FAF1: variants seen among roughly 807,000 people sequenced by gnomAD.
FAF1 encodes Fas associated factor 1.
Under a neutral mutation model 92.5 loss-of-function variants are expected in FAF1, and 25 were observed. That is an observed-to-expected ratio of 0.27 (90% CI 0.20 to 0.38). The LOEUF is 0.38. Among genes scored for constraint, FAF1 ranks in the 10% least tolerant of loss-of-function variants. The probability of loss-of-function intolerance (pLI) is 1.00; values close to 1 mark genes in which losing one functional copy is unlikely to be tolerated. For synonymous variants in FAF1, 234 were observed against 273.2 expected, an observed-to-expected ratio of 0.86 and a Z score of 1.42; for missense variants, 636 against 793.3, an observed-to-expected ratio of 0.80 and a Z score of 2.38.
chr1:50,864,115 T>C lies in FAF1; in HGVS notation c.46-6118A>G, dbSNP rs1247253835. ...CTCTTTTCTTCTTTATTAGTCTTGC[T>C]AGCGGTCTATCAATTTTGTTGATCC... On this transcript the variant is annotated intron_variant, in intron 1 of 18. Coordinates refer to ENST00000396153, the MANE Select transcript of FAF1 (RefSeq NM_007051.3). Among the ~76,000 whole-genome samples the C allele has an allele frequency of 2.8e-3, 423 of 151,710 alleles. 4 individuals are homozygous for C. The highest frequency in any genetic ancestry group is 9.7e-3 in the African/African-American group (401 of 41,370).
rs780627088 is a variant in FAF1, at chr1:50,498,247, T to TA, written c.1495-6447dup. 3.2e-4 allele frequency among the ~76,000 whole-genome samples: 48 copies of TA among 150,338 alleles called. No individual in the cohort carries two copies. The South Asian group carries it at 6.1e-3, about 19-fold the overall frequency. On this transcript the variant is annotated intron_variant, in intron 15 of 18. Coordinates refer to ENST00000396153, the MANE Select transcript of FAF1 (RefSeq NM_007051.3). Reference sequence around the variant, plus strand: ...GCTGGACCCTCATCATACCTCATATTAAAAAAAAAGCTTAAAATGAATCAA... The same window carrying TA: ...GCTGGACCCTCATCATACCTCATATTAAAAAAAAAAGCTTAAAATGAATCAA...
intron 12 of FAF1, among the ~76,000 whole-genome samples, chr1:50,571,975 A>G (rs1473454296): frequency 6.6e-6 from 1 of 151,684 alleles, no homozygotes; most frequent in Non-Finnish European, 1.5e-5. Flanking sequence ...GGAATGGTAC[A>G]ATGTAGTTCA....
chr1:50,946,609 T>C (rs1438606920), intron 1 of FAF1, among the ~76,000 whole-genome samples: 6 of 152,230 alleles, frequency 3.9e-5, no homozygotes, highest in Non-Finnish European at 8.8e-5. Flanking sequence ...ATCTGAGTTT[T>C]ATCCTGCTAG....
chr1:50,777,468 A>T (rs1253326593), intron 4 of FAF1, among the ~76,000 whole-genome samples: 4 of 152,198 alleles, frequency 2.6e-5, no homozygotes, highest in Non-Finnish European at 4.4e-5. Context: ...CAAAAATGCC[A>T]TAGTGAATTT....
intron 9 of FAF1, among the ~76,000 whole-genome samples, chr1:50,585,369 CAT>C (rs201103657): frequency 0.014 from 2,103 of 152,204 alleles, 24 homozygotes; most frequent in Non-Finnish European, 0.021. Flanking sequence ...TAATGTTTTA[CAT>C]ATGAGTTGTA....
At chr1:50,640,829 A>ATTTTTTTTTTTTTTTTTTTTTTT in intron 8 of FAF1, among the ~76,000 whole-genome samples, 1 of 88,504 alleles carries the variant, frequency 1.1e-5, no homozygotes, top group Non-Finnish European at 2.0e-5. Context: ...TTATCAGCTG[A>ATTTTTTTTTTTTTTTTTTTTTTT]TTTTTTTTTT....
chr1:50,443,724 TG>T (rs1646196000), intron 18 of FAF1, among the ~76,000 whole-genome samples: 1 of 152,206 alleles, frequency 6.6e-6, no homozygotes, highest in African/African-American at 2.4e-5. Flanking sequence ...GGAATAATGT[TG>T]GTGCAGCCTC....
At chr1:50,803,063 T>C (rs1662059922) in intron 2 of FAF1, among the ~76,000 whole-genome samples, 1 of 152,208 alleles carries the variant, frequency 6.6e-6, no homozygotes. Flanking sequence ...CCCTGACGAC[T>C]CTGGAGGCTT....
chr1:50,658,799 G>C (rs1655243814), intron 7 of FAF1, among the ~76,000 whole-genome samples: 1 of 152,204 alleles, frequency 6.6e-6, no homozygotes, highest in African/African-American at 2.4e-5. Flanking sequence ...TAAATTCACA[G>C]AGTATTCTGA....
At chr1:50,577,177 T>G (rs1459068977) in intron 12 of FAF1, among the ~76,000 whole-genome samples, 1 of 152,200 alleles carries the variant, frequency 6.6e-6, no homozygotes, top group African/African-American at 2.4e-5. Flanking sequence ...TTCTGTTATT[T>G]GCCTAAGTTT....
chr1:50,732,893 C>CTT (rs200456232), intron 6 of FAF1, among the ~76,000 whole-genome samples: 3 of 144,562 alleles, frequency 2.1e-5, no homozygotes, highest in Non-Finnish European at 4.6e-5. Context: ...TTATTTACTT[C>CTT]TTTTTTTTTT....
intron 5 of FAF1, among the ~76,000 whole-genome samples, chr1:50,739,667 G>T (rs1659309585): frequency 1.3e-5 from 2 of 152,074 alleles, no homozygotes; most frequent in African/African-American, 2.4e-5. Context: ...ACCTTGAAAA[G>T]ATCACTGAGA....
At chr1:50,886,365 A>C (rs928556124) in intron 1 of FAF1, among the ~76,000 whole-genome samples, 2 of 151,982 alleles carry the variant, frequency 1.3e-5, no homozygotes, top group Admixed American at 1.3e-4. Context: ...TCCAGGGTCA[A>C]AGTTTTTTTC....
chr1:50,691,739 C>T (rs1177624328), intron 7 of FAF1, among the ~76,000 whole-genome samples: 2 of 152,164 alleles, frequency 1.3e-5, no homozygotes, highest in African/African-American at 4.8e-5. Flanking sequence ...TATAGGCATG[C>T]ACCACCACGC....
chr1:50,716,650 C>T (rs923756334), intron 6 of FAF1, among the ~76,000 whole-genome samples: 4 of 152,116 alleles, frequency 2.6e-5, no homozygotes, highest in Admixed American at 6.5e-5. Context: ...TCTGTAAAAA[C>T]GCACCAATCA....
chr1:50,913,792 A>G (rs1644902646), intron 1 of FAF1, among the ~76,000 whole-genome samples: 1 of 152,244 alleles, frequency 6.6e-6, no homozygotes, highest in Non-Finnish European at 1.5e-5. Context: ...TGAATATCCA[A>G]ACAGCAGAAA....
In FAF1 at chr1:50,490,482, G is replaced by A. The variant is rs1238837655; in HGVS notation, c.1653+106C>T. 1.6e-5 allele frequency: 10 copies of A among 635,546 alleles called. 1 individual carries two copies. The highest frequency in any genetic ancestry group is 2.9e-5 in the Non-Finnish European group (10 of 350,810). The allele number at this position is 635,546 out of a possible 1,614,324, so 39.4% of individuals were successfully genotyped here. On this transcript the variant is annotated intron_variant, in intron 17 of 18. Transcript: ENST00000396153. ...AAGGAAAAAGAAAGAAGGAAGGAAGGAAGGAAGGAAAGGAAGGAAGGAAGG... is the reference window on the plus strand; with the variant it reads ...AAGGAAAAAGAAAGAAGGAAGGAAGAAAGGAAGGAAAGGAAGGAAGGAAGG...
intron 7 of FAF1, among the ~76,000 whole-genome samples, chr1:50,662,675 A>G (rs1417875887): frequency 1.4e-5 from 2 of 144,948 alleles, no homozygotes; most frequent in Non-Finnish European, 3.0e-5. Context: ...ATTAAAATGA[A>G]TTTGTATCTT....
rs58193277 is a variant in FAF1 at position 50,662,683 on chromosome 1, C to CT, written c.658-7156dup. ...CACATTTATTAAAATGAATTTGTAT[C>CT]TTTTTTTTTTTTTTTTTTTTTTTTT... is the stretch of plus-strand genomic sequence containing the variant. On this transcript the variant is annotated intron_variant, in intron 7 of 18. Transcript: ENST00000396153. Among the ~76,000 whole-genome samples, 272 of 77,594 alleles carry CT rather than the reference C, an allele frequency of 3.5e-3. 22 individuals carry two copies. Among genetic ancestry groups the CT allele is most frequent in the African/African-American group, 9.0e-3 (192 of 21,420 alleles). 50.9% of individuals were successfully genotyped at this position (77,594 alleles called of 152,430 possible).
Sources: gnomAD v4.1 joint callset for allele counts (sites outside exome capture counted in the v4.1 genomes callset) on GRCh38, gnomAD v4.1.1 for gene constraint, MANE v1.5 for transcripts, NCBI Gene and HGNC (gene_info 2026-07-23, HGNC 2026-07-21) for gene names.